Variants in ELAPOR2 observed in about 807,000 individuals in gnomAD.
ELAPOR2 encodes the protein endosome/lysosome-associated apoptosis and autophagy regulator family member 2.
In ELAPOR2, 89 loss-of-function variants were observed where a neutral mutation model predicts 120.7. The observed-to-expected ratio is 0.74, with a 90% confidence interval of 0.62 to 0.88. The LOEUF is 0.88. ELAPOR2 is among the 40% of genes least tolerant of loss of function. The probability of loss-of-function intolerance (pLI) is 0.00; values close to 1 mark genes in which losing one functional copy is unlikely to be tolerated. For missense variants in ELAPOR2, 1,134 were observed against 1,251.6 expected, an observed-to-expected ratio of 0.91 and a Z score of 1.42; for synonymous variants, 444 against 444.9, an observed-to-expected ratio of 1.00 and a Z score of 0.03.
At chr7:86,987,698 C>G (rs1792800869) in intron 1 of ELAPOR2, among the ~76,000 whole-genome samples, 2 of 151,550 alleles carry the variant, frequency 1.3e-5, no homozygotes, top group Non-Finnish European at 2.9e-5. Context: ...CAGGAAACAA[C>G]AGATGCTGGA....
At chr7:86,917,786 T>C (rs1789633023) in intron 12 of ELAPOR2, among the ~76,000 whole-genome samples, 1 of 151,544 alleles carries the variant, frequency 6.6e-6, no homozygotes, top group South Asian at 2.1e-4. Context: ...AACTGTTAAC[T>C]GGCTACTAAA....
chr7:87,049,562 G>C (rs1267716644), intron 1 of ELAPOR2, among the ~76,000 whole-genome samples: 1 of 152,026 alleles, frequency 6.6e-6, no homozygotes, highest in Non-Finnish European at 1.5e-5. Context: ...GATTACAGGC[G>C]CCTGGCCGGG....
chr7:87,041,881 G>A (rs1794799746), intron 1 of ELAPOR2, among the ~76,000 whole-genome samples: 1 of 151,806 alleles, frequency 6.6e-6, no homozygotes, highest in Admixed American at 6.6e-5. Context: ...CACGTGCAGA[G>A]ACACACATAG....
At chr7:86,943,817 C>T (rs1419075383) in intron 4 of ELAPOR2, among the ~76,000 whole-genome samples, 1 of 152,020 alleles carries the variant, frequency 6.6e-6, no homozygotes, top group Non-Finnish European at 1.5e-5. Context: ...TTGAATGTTG[C>T]TTAACATTTT....
At chr7:86,927,788 T>C (rs1790142462) in intron 8 of ELAPOR2, among the ~76,000 whole-genome samples, 1 of 152,000 alleles carries the variant, frequency 6.6e-6, no homozygotes, top group Non-Finnish European at 1.5e-5. Context: ...AACATAAAAA[T>C]AAATCAACTA....
chr7:86,987,423 G>A (rs1469615692), intron 1 of ELAPOR2, among the ~76,000 whole-genome samples: 1 of 152,038 alleles, frequency 6.6e-6, no homozygotes, highest in African/African-American at 2.4e-5. Context: ...TACAGACTGG[G>A]AGAAAATTTT....
At chr7:87,058,192 G>A (rs1795320210) in intron 1 of ELAPOR2, among the ~76,000 whole-genome samples, 1 of 152,192 alleles carries the variant, frequency 6.6e-6, no homozygotes, top group African/African-American at 2.4e-5. Context: ...ATCCATAGAT[G>A]ATGGATGATG....
At chr7:87,017,525 A>G (rs1024096923) in intron 1 of ELAPOR2, among the ~76,000 whole-genome samples, 22 of 152,208 alleles carry the variant, frequency 1.4e-4, no homozygotes, top group Admixed American at 1.4e-3. Flanking sequence ...CTAAGGTATT[A>G]AGAGTACTCA....
At chr7:86,892,805 G>T in intron 20 of ELAPOR2, 117 bp downstream of exon 20, 1 of 907,240 alleles carries the variant, frequency 1.1e-6, no homozygotes, top group South Asian at 3.8e-5. Flanking sequence ...TCTTCGCAAG[G>T]AGAAAATTCT....
chr7:86,970,454 A>G (rs1792068853), intron 1 of ELAPOR2, among the ~76,000 whole-genome samples: 1 of 152,158 alleles, frequency 6.6e-6, no homozygotes, highest in South Asian at 2.1e-4. Flanking sequence ...CCTCTGGGAG[A>G]AAGGCTTCCG....
intron 15 of ELAPOR2, chr7:86,911,475 C>G (rs982123113): frequency 1.1e-5 from 4 of 378,876 alleles, no homozygotes; most frequent in East Asian, 1.4e-4. Flanking sequence ...TAGGTATATA[C>G]CTATACATAC....
intron 2 of ELAPOR2, among the ~76,000 whole-genome samples, chr7:86,951,278 C>T (rs557029397): frequency 5.3e-5 from 8 of 152,182 alleles, no homozygotes; most frequent in African/African-American, 1.7e-4. Context: ...TATTGACTTC[C>T]TAATAAAGTT....
At chr7:87,054,205 T>G (rs1357462580) in intron 1 of ELAPOR2, among the ~76,000 whole-genome samples, 1 of 152,210 alleles carries the variant, frequency 6.6e-6, no homozygotes, top group Non-Finnish European at 1.5e-5. Flanking sequence ...ATGTGGCTAG[T>G]GTTTTCTGAC....
chr7:86,998,746 A>G (rs1262300269), intron 1 of ELAPOR2, among the ~76,000 whole-genome samples: 8 of 152,172 alleles, frequency 5.3e-5, no homozygotes, highest in East Asian at 1.9e-4. Context: ...AGTAATAGAA[A>G]CTATGCATTT....
intron 18 of ELAPOR2, among the ~76,000 whole-genome samples, chr7:86,905,787 A>G (rs1179449000): frequency 2.0e-5 from 3 of 152,194 alleles, no homozygotes; most frequent in Non-Finnish European, 4.4e-5. Flanking sequence ...TTAATTTTTT[A>G]AATAGATACC....
intron 8 of ELAPOR2, among the ~76,000 whole-genome samples, chr7:86,932,191 C>T (rs754613525): frequency 1.3e-4 from 20 of 151,890 alleles, no homozygotes; most frequent in Non-Finnish European, 2.7e-4. Flanking sequence ...TTACAGTGAG[C>T]ATCTTGCAAC....
intron 20 of ELAPOR2, 78 bp downstream of exon 20, chr7:86,892,844 A>C: frequency 8.7e-6 from 11 of 1,263,014 alleles, no homozygotes; most frequent in Non-Finnish European, 1.2e-5. Context: ...TATTTATTGG[A>C]TATAATGATC....
intron 1 of ELAPOR2, among the ~76,000 whole-genome samples, chr7:87,039,781 T>C (rs991902079): frequency 6.6e-6 from 1 of 152,146 alleles, no homozygotes; most frequent in African/African-American, 2.4e-5. Context: ...GATGGCCGAA[T>C]AGGAACAGCT....
chr7:87,015,301 T>A (rs939415731), intron 1 of ELAPOR2, among the ~76,000 whole-genome samples: 1 of 152,216 alleles, frequency 6.6e-6, no homozygotes, highest in African/African-American at 2.4e-5. Context: ...CAACACTGTC[T>A]AAAGGTCGTT....
Sources: allele counts gnomAD v4.1 joint callset (sites outside exome capture counted in the v4.1 genomes callset), GRCh38; gene constraint gnomAD v4.1.1; transcripts MANE v1.5; gene names NCBI Gene and HGNC (gene_info 2026-07-23, HGNC 2026-07-21).